Variants in TSPEAR observed in about 807,000 individuals in gnomAD.
TSPEAR encodes thrombospondin type laminin G domain and EAR repeats.
TSPEAR carries 69 observed loss-of-function variants against 71.6 expected under a neutral mutation model. That is an observed-to-expected ratio of 0.96 (90% confidence interval 0.79 to 1.18). The LOEUF (loss-of-function observed/expected upper bound fraction) is 1.18, where lower values mean the gene tolerates loss of function less well. Ranked by LOEUF, TSPEAR falls within the 50% of genes most tolerant of loss-of-function variation. TSPEAR has a pLI of 0.00. For missense variants in TSPEAR, 971 were observed against 894.9 expected, an observed-to-expected ratio of 1.09 and a Z score of -1.09; for synonymous variants, 402 against 387.2, an observed-to-expected ratio of 1.04 and a Z score of -0.45.
chr21:44,510,321 G>C (rs782464973), intron 9 of TSPEAR, among the ~76,000 whole-genome samples: 47 of 152,346 alleles, frequency 3.1e-4, no homozygotes, highest in African/African-American at 1.0e-3. Flanking sequence ...GCGGGGCTGT[G>C]TCTCTTCCTG....
At chr21:44,700,016 T>C (rs2146327111) in intron 1 of TSPEAR, among the ~76,000 whole-genome samples, 1 of 152,302 alleles carries the variant, frequency 6.6e-6, no homozygotes, top group Non-Finnish European at 1.5e-5. Context: ...GGTGATTTGC[T>C]AAACAGCTCT....
chr21:44,515,915 C>T (rs183053851), intron 9 of TSPEAR: 1 of 152,264 alleles, frequency 6.6e-6, no homozygotes, highest in Non-Finnish European at 1.5e-5. Context: ...TGGTGTGAGG[C>T]GTCCCAGGCA....
rs143765249 is a variant in TSPEAR, at chr21:44,638,127, G to A, written c.83-70122C>T. 1,109 of 1,612,976 alleles carry A rather than the reference G, an allele frequency of 6.9e-4. 8 individuals are homozygous for A. The African/African-American group carries it at 9.0e-3, about 13-fold the overall frequency. On this transcript the variant is annotated intron_variant, in intron 1 of 11. Coordinates refer to ENST00000323084, the MANE Select transcript of TSPEAR (RefSeq NM_144991.3). ...CTCCTCTGCCGCCCCGTGTGCTCCC[G>A]CCCTGCCTGCTACAGCCTCTGCTCT...
rs1279235117 is a variant in TSPEAR at position 44,630,029 on chromosome 21, C to T, written c.83-62024G>A. On this transcript the variant is annotated intron_variant, in intron 1 of 11. Coordinates refer to ENST00000323084, the MANE Select transcript of TSPEAR (RefSeq NM_144991.3). The stretch of plus-strand genomic sequence containing the variant: ...GCTTCCTGAGTGGTATGGAGAGTGA[C>T]CTAGGGCTTCAGGGGCCGTGGTACA... Among the ~76,000 whole-genome samples the T allele has an allele frequency of 2.0e-5, 3 of 152,070 alleles. No homozygotes were observed. In the East Asian group the frequency reaches 5.8e-4, roughly 29 times the overall value.
chr21:44,538,234 G>A (rs1601383982), intron 2 of TSPEAR, among the ~76,000 whole-genome samples: 2 of 152,224 alleles, frequency 1.3e-5, no homozygotes, highest in East Asian at 1.9e-4. Context: ...GGGTGGCGGA[G>A]CCCCATGCGC....
At chr21:44,625,921 G>T (rs1409079742) in intron 1 of TSPEAR, among the ~76,000 whole-genome samples, 1 of 152,212 alleles carries the variant, frequency 6.6e-6, no homozygotes, top group Non-Finnish European at 1.5e-5. Context: ...GGCCACCCCT[G>T]CCTCCACAGC....
chr21:44,537,869 G>A (rs1343892415), intron 2 of TSPEAR, among the ~76,000 whole-genome samples: 1 of 152,256 alleles, frequency 6.6e-6, no homozygotes, highest in Non-Finnish European at 1.5e-5. Flanking sequence ...TTTCAGTGTG[G>A]ACGGCCATGC....
intron 1 of TSPEAR, among the ~76,000 whole-genome samples, chr21:44,688,772 G>A (rs555391556): frequency 6.6e-6 from 1 of 152,090 alleles, no homozygotes; most frequent in Non-Finnish European, 1.5e-5. Context: ...GGCAGAGGTG[G>A]GACCCACCTG....
At chr21:44,562,827 G>T (rs2053656436) in intron 2 of TSPEAR, among the ~76,000 whole-genome samples, 1 of 152,116 alleles carries the variant, frequency 6.6e-6, no homozygotes, top group Admixed American at 6.6e-5. Context: ...AAAACTGAGG[G>T]AATCTATTAC....
rs587603897 is a variant in TSPEAR, at chr21:44,508,874, C to T, written c.1754+325G>A. ...CTGTCCCTCTGGGGCCTCGGCTATCCCTCCGCACGACGGGCATGAAGCCCC... is the reference window on the plus strand; with the variant it reads ...CTGTCCCTCTGGGGCCTCGGCTATCTCTCCGCACGACGGGCATGAAGCCCC... On this transcript the variant is annotated intron_variant, in intron 10 of 11. Coordinates refer to ENST00000323084, the MANE Select transcript of TSPEAR (RefSeq NM_144991.3). 7 of 1,437,960 alleles carry T rather than the reference C, an allele frequency of 4.9e-6. No homozygotes were observed. The African/African-American group carries it at 7.1e-5, about 15-fold the overall frequency. 89.1% of individuals were successfully genotyped at this position (1,437,960 alleles called of 1,614,324 possible). A position where few individuals can be genotyped will look rare whatever the true frequency, so the allele number is the denominator to read the frequency against.
chr21:44,633,507 G>A (rs2146212313), intron 1 of TSPEAR, among the ~76,000 whole-genome samples: 1 of 152,252 alleles, frequency 6.6e-6, no homozygotes, highest in African/African-American at 2.4e-5. Context: ...ATAAGTATGT[G>A]TTGTTTAATT....
chr21:44,502,634 G>A (rs1445294106), intron 11 of TSPEAR, among the ~76,000 whole-genome samples: 1 of 152,268 alleles, frequency 6.6e-6, no homozygotes, highest in African/African-American at 2.4e-5. Context: ...TCCAAAGGCA[G>A]AAGCACCAGC....
rs782205291 is a variant in TSPEAR at position 44,637,450 on chromosome 21, C to T, written c.83-69445G>A. On this transcript the variant is annotated intron_variant, in intron 1 of 11. Transcript: ENST00000323084. ...CCTCCACCATGTCCATCTGCTCCAG[C>T]GCCTGCACTGACTCTTGGCGGGTAG... The T allele has an allele frequency of 2.3e-5, 37 of 1,611,668 alleles. 1 individual carries two copies. The highest frequency in any genetic ancestry group is 1.3e-4 in the Admixed American group (8 of 59,918).
At chr21:44,574,054 G>T in intron 1 of TSPEAR, 1 of 1,613,072 alleles carries the variant, frequency 6.2e-7, no homozygotes, top group Non-Finnish European at 8.5e-7. Context: ...CAGCTGGCTT[G>T]CTGTGCCTCC....
Position 44,702,115 on chromosome 21 carries a change from A to G in TSPEAR, c.82+9318T>C, listed in dbSNP as rs190504141. 2.2e-5 allele frequency: 23 copies of G among 1,026,010 alleles called. No individual in the cohort carries two copies. The African/African-American group carries it at 3.7e-4, about 16-fold the overall frequency. 63.6% of individuals were successfully genotyped at this position (1,026,010 alleles called of 1,614,324 possible). A position where few individuals can be genotyped will look rare whatever the true frequency, so the allele number is the denominator to read the frequency against. On this transcript the variant is annotated intron_variant, in intron 1 of 11. Coordinates refer to ENST00000323084, the MANE Select transcript of TSPEAR (RefSeq NM_144991.3). ...GGGAGGCAGGGAAACTTCACCCAGG[A>G]GAGGCAGCGTCCACATGAGCACAGG...
chr21:44,655,065 T>C (rs1284957458), intron 1 of TSPEAR, among the ~76,000 whole-genome samples: 2 of 152,196 alleles, frequency 1.3e-5, no homozygotes, highest in Admixed American at 6.5e-5. Flanking sequence ...TACTGGGCTC[T>C]ATATTGTGGA....
At position 44,580,236 on chromosome 21, in the gene TSPEAR, T is replaced by C. The variant is rs1978843289; in HGVS notation, c.83-12231A>G. On this transcript the variant is annotated intron_variant, in intron 1 of 11. Transcript: ENST00000323084. The stretch of plus-strand genomic sequence containing the variant: ...GAGGCACAGCAAGTTGGCTGGCAGC[T>C]AGACTGCTGGCAGCATGAAGAGGAA... 5.0e-6 allele frequency: 8 copies of C among 1,610,294 alleles called. No homozygotes were observed. The African/African-American group carries it at 6.8e-5, about 14-fold the overall frequency.
intron 1 of TSPEAR, among the ~76,000 whole-genome samples, chr21:44,644,887 T>C (rs1984222435): frequency 6.6e-6 from 1 of 152,054 alleles, no homozygotes; most frequent in Non-Finnish European, 1.5e-5. Context: ...AACAAAAGCG[T>C]GACACTTTAG....
chr21:44,587,623 C>T (rs1979423065), intron 1 of TSPEAR, among the ~76,000 whole-genome samples: 1 of 152,158 alleles, frequency 6.6e-6, no homozygotes, highest in Non-Finnish European at 1.5e-5. Flanking sequence ...TACCTGATTT[C>T]AAACTATACT....
Sources: gnomAD v4.1 joint callset for allele counts (sites outside exome capture counted in the v4.1 genomes callset) on GRCh38, gnomAD v4.1.1 for gene constraint, MANE v1.5 for transcripts, NCBI Gene and HGNC (gene_info 2026-07-23, HGNC 2026-07-21) for gene names.